NRP1: variants seen among roughly 807,000 people sequenced by gnomAD.
NRP1 encodes neuropilin-1.
NRP1 carries 35 observed loss-of-function variants against 106.7 expected under a neutral mutation model. The observed-to-expected ratio is 0.33, with a 90% CI of 0.25 to 0.43. The LOEUF (loss-of-function observed/expected upper bound fraction) is 0.43, where lower values mean the gene tolerates loss of function less well. Ranked by LOEUF, NRP1 falls within the 20% of genes least tolerant of loss-of-function variation. The pLI is 1.00. For synonymous variants in NRP1, 437 were observed against 417.9 expected (o/e 1.05, Z -0.56); for missense variants, 1,024 against 1,170.4 (o/e 0.87, Z 1.83).
chr10:33,305,405 G>A (rs1044116278), intron 2 of NRP1, among the ~76,000 whole-genome samples: 7 of 152,138 alleles, frequency 4.6e-5, no homozygotes, highest in African/African-American at 1.4e-4. Flanking sequence ...AACCCCTGAA[G>A]GTCTAGCTGC....
chr10:33,278,359 T>A (rs191515784), intron 2 of NRP1, among the ~76,000 whole-genome samples: 2 of 152,204 alleles, frequency 1.3e-5, no homozygotes, highest in East Asian at 3.9e-4. Context: ...ATTTCAGGGA[T>A]TATCTCCTGG....
chr10:33,199,424 C>T (rs1331155937), intron 11 of NRP1, among the ~76,000 whole-genome samples: 3 of 53,322 alleles, frequency 5.6e-5, no homozygotes, highest in Non-Finnish European at 7.1e-5. Context: ...TTTTTTTTGG[C>T]GGAGACAGGG....
intron 6 of NRP1, among the ~76,000 whole-genome samples, chr10:33,245,318 T>C (rs989717644): frequency 6.6e-6 from 1 of 152,186 alleles, no homozygotes; most frequent in Non-Finnish European, 1.5e-5. Flanking sequence ...ATGACTTACA[T>C]GTGTATGTAT....
intron 8 of NRP1, among the ~76,000 whole-genome samples, chr10:33,217,347 A>G (rs184047657): frequency 1.5e-4 from 23 of 151,788 alleles, no homozygotes; most frequent in African/African-American, 5.3e-4. Context: ...GCAAAGTGAG[A>G]CTGTTATTCC....
intron 2 of NRP1, among the ~76,000 whole-genome samples, chr10:33,321,030 C>T (rs1051617800): frequency 3.3e-5 from 5 of 152,126 alleles, no homozygotes; most frequent in African/African-American, 9.7e-5. Context: ...TGTGATGTCC[C>T]GGCTAGAGTG....
At chr10:33,333,244 G>C (rs1387869935) in intron 1 of NRP1, among the ~76,000 whole-genome samples, 1 of 144,494 alleles carries the variant, frequency 6.9e-6, no homozygotes, top group African/African-American at 2.6e-5. Flanking sequence ...TTTTTTTTTT[G>C]CATGTGTTTT....
chr10:33,253,770 T>G (rs895648443), intron 6 of NRP1, among the ~76,000 whole-genome samples: 4 of 152,236 alleles, frequency 2.6e-5, no homozygotes, highest in African/African-American at 9.6e-5. Context: ...TATATAAGTA[T>G]CTGAGAAGAT....
At chr10:33,240,811 C>A (rs1031184709) in intron 6 of NRP1, among the ~76,000 whole-genome samples, 1 of 151,504 alleles carries the variant, frequency 6.6e-6, no homozygotes, top group Non-Finnish European at 1.5e-5. Flanking sequence ...GAGACAAGAA[C>A]GAAGAGAAAG....
intron 4 of NRP1, among the ~76,000 whole-genome samples, chr10:33,258,781 G>C (rs1008020937): frequency 6.6e-6 from 1 of 151,940 alleles, no homozygotes; most frequent in Non-Finnish European, 1.5e-5. Context: ...GGAGCACGAA[G>C]TTGTCCATAA....
At chr10:33,256,514 C>T in intron 4 of NRP1, 43 bp from the exon 5 acceptor site, 1 of 1,600,638 alleles carries the variant, frequency 6.2e-7, no homozygotes, top group South Asian at 1.1e-5. Flanking sequence ...TGTCTTTTCT[C>T]CTGCAGCAGA....
chr10:33,280,536 AAAAT>A (rs1196056569), intron 2 of NRP1, among the ~76,000 whole-genome samples: 1 of 152,236 alleles, frequency 6.6e-6, no homozygotes, highest in Non-Finnish European at 1.5e-5. Flanking sequence ...CAGGGAAAAA[AAAAT>A]ACAATTACTT....
chr10:33,232,979 G>A (rs61843204), intron 6 of NRP1, among the ~76,000 whole-genome samples: 21,566 of 151,962 alleles, frequency 0.14, 1,731 homozygotes, highest in Middle Eastern at 0.28. Context: ...AATACATAGC[G>A]CCGTTGGCAC....
At chr10:33,220,787 G>T (rs966955964) in intron 8 of NRP1, among the ~76,000 whole-genome samples, 2 of 150,510 alleles carry the variant, frequency 1.3e-5, no homozygotes, top group Non-Finnish European at 2.9e-5. Context: ...AGTAGTACCA[G>T]CTACTCAGGA....
chr10:33,326,039 C>T (rs1009988188), intron 2 of NRP1, among the ~76,000 whole-genome samples: 3 of 152,118 alleles, frequency 2.0e-5, no homozygotes, highest in African/African-American at 4.8e-5. Context: ...ATGTTTTTAA[C>T]CCAATGTCTG....
At chr10:33,186,647 G>C (rs573211655) in intron 13 of NRP1, among the ~76,000 whole-genome samples, 159 bp from the exon 14 acceptor site, 42 of 152,228 alleles carry the variant, frequency 2.8e-4, no homozygotes, top group African/African-American at 1.0e-3. Flanking sequence ...GGGACCTCAT[G>C]GGCACCTAAG....
chr10:33,308,767 G>A (rs1846354798), intron 2 of NRP1, among the ~76,000 whole-genome samples: 1 of 152,096 alleles, frequency 6.6e-6, no homozygotes, highest in South Asian at 2.1e-4. Context: ...GGGATTACAG[G>A]TGTGAGCCAC....
intron 12 of NRP1, chr10:33,195,696 G>A: frequency 2.5e-6 from 1 of 403,470 alleles, no homozygotes; most frequent in Non-Finnish European, 5.0e-6. Context: ...TCTGGGCATT[G>A]ACTTAGCCAG....
intron 6 of NRP1, among the ~76,000 whole-genome samples, chr10:33,243,202 G>A (rs12570078): frequency 0.12 from 18,892 of 152,090 alleles, 1,509 homozygotes; most frequent in East Asian, 0.48. Flanking sequence ...TCCCGATGAA[G>A]CCAACCTGAA....
At chr10:33,299,422 C>G (rs181652656) in intron 2 of NRP1, among the ~76,000 whole-genome samples, 1 of 152,266 alleles carries the variant, frequency 6.6e-6, no homozygotes, top group Admixed American at 6.5e-5. Context: ...GCCTGACAAC[C>G]ATCCCAGGAT....
Sources: gnomAD v4.1 joint callset for allele counts (sites outside exome capture counted in the v4.1 genomes callset) on GRCh38, gnomAD v4.1.1 for gene constraint, MANE v1.5 for transcripts, NCBI Gene and HGNC (gene_info 2026-07-23, HGNC 2026-07-21) for gene names.